Variants in WDR25 observed in about 807,000 individuals in gnomAD.
WDR25 encodes the protein WD repeat domain 25.
In WDR25, 35 loss-of-function variants were observed where a neutral mutation model predicts 47.7. The observed-to-expected ratio is 0.73, with a 90% CI of 0.56 to 0.97. The LOEUF is 0.97. Among genes scored for constraint, WDR25 ranks in the 50% least tolerant of loss-of-function variants. WDR25 has a pLI of 0.00. For missense variants in WDR25, 634 were observed against 704.7 expected (o/e 0.90, Z 1.14); for synonymous variants, 248 against 278.9 (o/e 0.89, Z 1.10).
intron 3 of WDR25, among the ~76,000 whole-genome samples, chr14:100,475,085 T>C (rs1899973215): frequency 6.6e-6 from 1 of 152,198 alleles, no homozygotes; most frequent in Non-Finnish European, 1.5e-5. Flanking sequence ...AAAACCACAA[T>C]GAGATATCAC....
In WDR25 at chr14:100,530,271, T is replaced by C; in HGVS notation, c.*230T>C. On this transcript the variant is annotated 3_prime_UTR_variant, in exon 7 of 7. Coordinates refer to ENST00000402312, the MANE Select transcript of WDR25 (RefSeq NM_001161476.3). The stretch of plus-strand genomic sequence containing the variant: ...GGCAGCCGGCGATGCCCAATAAATG[T>C]GTGTTTTGCTGTTTGTTAAGTGATT... The C allele has an allele frequency of 1.8e-6, 1 of 555,744 alleles. No homozygotes were observed. The highest frequency in any genetic ancestry group is 3.2e-6 in the Non-Finnish European group (1 of 314,436). The allele number at this position is 555,744 out of a possible 1,614,324, so 34.4% of individuals were successfully genotyped here.
chr14:100,435,493 A>C (rs189747037), intron 2 of WDR25, among the ~76,000 whole-genome samples: 1 of 152,340 alleles, frequency 6.6e-6, no homozygotes, highest in Admixed American at 6.5e-5. Flanking sequence ...AATTTTTAAA[A>C]ATGATAGTGA....
At chr14:100,391,684 T>C (rs1285386636) in intron 2 of WDR25, among the ~76,000 whole-genome samples, 1 of 151,832 alleles carries the variant, frequency 6.6e-6, no homozygotes, top group Non-Finnish European at 1.5e-5. Flanking sequence ...ATAGTTGAGC[T>C]CCAACTATAC....
At chr14:100,376,658 A>G (rs1896687012) in intron 1 of WDR25, 163 bp downstream of exon 1, 1 of 1,231,566 alleles carries the variant, frequency 8.1e-7, no homozygotes, top group Non-Finnish European at 1.0e-6. Context: ...ACTTCTTACT[A>G]TTGACAGCTC....
chr14:100,503,156 C>A (rs1305642089), intron 4 of WDR25, among the ~76,000 whole-genome samples: 2 of 151,850 alleles, frequency 1.3e-5, no homozygotes, highest in African/African-American at 4.8e-5. Flanking sequence ...TCCACCCTGG[C>A]CATTTTTAGG....
intron 4 of WDR25, among the ~76,000 whole-genome samples, chr14:100,519,834 GTA>G (rs914979131): frequency 8.5e-5 from 11 of 128,922 alleles, no homozygotes; most frequent in East Asian, 2.1e-4. Context: ...TGTATATATA[GTA>G]TATATACTAT....
chr14:100,520,974 T>C (rs1314660804), intron 4 of WDR25, among the ~76,000 whole-genome samples: 1 of 152,208 alleles, frequency 6.6e-6, no homozygotes, highest in Non-Finnish European at 1.5e-5. Context: ...GTTTGCCTAA[T>C]TTTGCTTTCA....
rs1192172136 is a variant in WDR25 at position 100,428,775 on chromosome 14, A to G, written c.823-39246A>G. Among the ~76,000 whole-genome samples, 1 of 152,126 alleles carries G rather than the reference A, an allele frequency of 6.6e-6. No individual in the cohort carries two copies. The highest frequency in any genetic ancestry group is 1.9e-4 in the East Asian group (1 of 5,200). On this transcript the variant is annotated intron_variant, in intron 2 of 6. Transcript: ENST00000402312. This position sits in a 1 kb window ranked among gnomAD's most constrained non-coding sequence, Gnocchi z 4.3. ...AGTGCTGTACCTTCGCTTTTATTCT[A>G]CTTTGAATGTAATTTAGTTGCACAT...
chr14:100,487,958 C>T (rs576227684), intron 4 of WDR25, among the ~76,000 whole-genome samples: 2 of 152,160 alleles, frequency 1.3e-5, no homozygotes, highest in Non-Finnish European at 2.9e-5. Context: ...TCTTAGGGCA[C>T]AGTGAGTAGT....
chr14:100,526,040 C>T lies in WDR25; in HGVS notation c.1272C>T (p.His424=), dbSNP rs138956550. Residue 424 remains histidine (H), a splice_region_variant and synonymous_variant, in exon 5 of 7, where the codon CAC becomes CAT. Transcript: ENST00000402312. The stretch of plus-strand genomic sequence containing the variant: ...CCAAAATCTCCAACCAGATTTTCCA[C>T]GTAAGAAATCCCATTTGGCATTGCT... ...TSAKISNQIF[H]ERFTCPSLAL... The T allele has an allele frequency of 6.6e-5, 107 of 1,613,880 alleles. 1 individual carries two copies. In the African/African-American group the frequency reaches 9.7e-4, roughly 15 times the overall value.
At chr14:100,504,416 C>G (rs1404048205) in intron 4 of WDR25, 1 of 152,106 alleles carries the variant, frequency 6.6e-6, no homozygotes, top group Non-Finnish European at 1.5e-5. Flanking sequence ...ATCTTTCTTA[C>G]TGTATCCCTC....
intron 2 of WDR25, among the ~76,000 whole-genome samples, chr14:100,387,697 G>T (rs913019309): frequency 3.3e-5 from 5 of 152,242 alleles, no homozygotes; most frequent in Non-Finnish European, 7.3e-5. Context: ...GCTAGTAAAT[G>T]ATAGAGGCAA....
At chr14:100,441,385 T>C (rs1340894417) in intron 2 of WDR25, among the ~76,000 whole-genome samples, 1 of 151,530 alleles carries the variant, frequency 6.6e-6, no homozygotes, top group Non-Finnish European at 1.5e-5. Flanking sequence ...GGGGGTGGGG[T>C]GGGGCAGGGA....
chr14:100,450,554 A>G (rs984712788), intron 2 of WDR25, among the ~76,000 whole-genome samples: 3 of 152,258 alleles, frequency 2.0e-5, no homozygotes, highest in African/African-American at 7.2e-5. Flanking sequence ...TCTGTTGAAC[A>G]AACCCAGCGA....
intron 4 of WDR25, among the ~76,000 whole-genome samples, chr14:100,487,231 A>G (rs143576539): frequency 6.6e-6 from 1 of 152,332 alleles, no homozygotes; most frequent in Non-Finnish European, 1.5e-5. Context: ...TATGGATCAA[A>G]TGAATCAGAT....
intron 2 of WDR25, among the ~76,000 whole-genome samples, chr14:100,405,732 G>T (rs955118816): frequency 3.3e-5 from 5 of 152,246 alleles, no homozygotes; most frequent in African/African-American, 7.2e-5. Context: ...TGGTGTGTCA[G>T]TCGCCCTTCC....
rs373930570 is a variant in WDR25 at position 100,502,094 on chromosome 14, C to A, written c.1101+17970C>A. ...GCTCTTTGGGCTGTTTGATGGGGCT[C>A]ACACCTAGGAAGGCTGTCCTTGGAG... is the stretch of plus-strand genomic sequence containing the variant. On this transcript the variant is annotated intron_variant, in intron 4 of 6. Transcript: ENST00000402312. This position sits in a 1 kb window ranked among gnomAD's most constrained non-coding sequence, Gnocchi z 4.5. Among the ~76,000 whole-genome samples, 1 of 152,310 alleles carries A rather than the reference C, an allele frequency of 6.6e-6. No individual in the cohort carries two copies. Among genetic ancestry groups the A allele is most frequent in the East Asian group, 1.9e-4 (1 of 5,172 alleles).
intron 2 of WDR25, among the ~76,000 whole-genome samples, chr14:100,421,885 A>G (rs1460381766): frequency 1.3e-5 from 2 of 152,172 alleles, no homozygotes; most frequent in Non-Finnish European, 2.9e-5. Flanking sequence ...CCATCTATCC[A>G]TCTGGTTCAT....
chr14:100,463,179 T>G (rs1371141864), intron 2 of WDR25, among the ~76,000 whole-genome samples: 1 of 149,412 alleles, frequency 6.7e-6, no homozygotes, highest in Non-Finnish European at 1.5e-5. Context: ...CTTCTCTCCC[T>G]TCCTTTTTTC....
Sources: allele counts gnomAD v4.1 joint callset (sites outside exome capture counted in the v4.1 genomes callset), GRCh38; gene constraint gnomAD v4.1.1; non-coding constraint Gnocchi (gnomAD v3.1); transcripts MANE v1.5; gene names NCBI Gene and HGNC (gene_info 2026-07-23, HGNC 2026-07-21).